COL24A1: variants seen among roughly 807,000 people sequenced by gnomAD.
COL24A1 encodes collagen alpha-1(XXIV) chain.
Under a neutral mutation model 253.9 loss-of-function variants are expected in COL24A1, and 224 were observed. The observed-to-expected ratio is 0.88, with a 90% confidence interval of 0.79 to 0.99. COL24A1 has a LOEUF of 0.99. COL24A1 is among the 50% of genes least tolerant of loss of function. The probability of loss-of-function intolerance (pLI) is 0.00; values close to 1 mark genes in which losing one functional copy is unlikely to be tolerated. For synonymous variants in COL24A1, 685 were observed against 673.7 expected, an observed-to-expected ratio of 1.02 and a Z score of -0.26; for missense variants, 2,131 against 2,068.5, an observed-to-expected ratio of 1.03 and a Z score of -0.59.
At chr1:85,924,477 C>G (rs1686944484) in intron 24 of COL24A1, among the ~76,000 whole-genome samples, 1 of 152,158 alleles carries the variant, frequency 6.6e-6, no homozygotes, top group Non-Finnish European at 1.5e-5. Context: ...CCACCATTAC[C>G]AAGTTGGCTT....
At chr1:85,836,372 G>A (rs773448104) in intron 43 of COL24A1, among the ~76,000 whole-genome samples, 1 of 152,092 alleles carries the variant, frequency 6.6e-6, no homozygotes, top group Admixed American at 6.5e-5. Context: ...AGTTTAAAAT[G>A]GTTAAAATGG....
chr1:85,731,727 C>T (rs982527144), intron 59 of COL24A1, among the ~76,000 whole-genome samples: 1 of 152,038 alleles, frequency 6.6e-6, no homozygotes, highest in Non-Finnish European at 1.5e-5. Flanking sequence ...AAAACATAAA[C>T]AAATAACCAC....
chr1:85,869,948 A>C (rs1026562532), intron 35 of COL24A1, among the ~76,000 whole-genome samples: 1 of 152,200 alleles, frequency 6.6e-6, no homozygotes, highest in Non-Finnish European at 1.5e-5. Context: ...GTATTCAGGA[A>C]ACCCATCTCA....
At chr1:85,774,783 T>C (rs1243107774) in intron 53 of COL24A1, among the ~76,000 whole-genome samples, 1 of 152,204 alleles carries the variant, frequency 6.6e-6, no homozygotes, top group African/African-American at 2.4e-5. Context: ...TTAGTCTTGC[T>C]AGCGGTCTAT....
chr1:85,834,395 TA>T (rs1675763861), intron 43 of COL24A1, among the ~76,000 whole-genome samples: 1 of 152,074 alleles, frequency 6.6e-6, no homozygotes, highest in Non-Finnish European at 1.5e-5. Context: ...TGGCTGGTGA[TA>T]CTATTCACTG....
At chr1:86,058,723 G>A (rs1041979608) in intron 9 of COL24A1, among the ~76,000 whole-genome samples, 1 of 150,412 alleles carries the variant, frequency 6.6e-6, no homozygotes, top group African/African-American at 2.4e-5. Context: ...TTTGGTAGTG[G>A]TATACTGTTT....
rs181506367 is a variant in COL24A1 at position 86,131,417 on chromosome 1, G to A, written c.122-5203C>T. Among the ~76,000 whole-genome samples, 43 of 151,844 alleles carry A rather than the reference G, an allele frequency of 2.8e-4. No individual in the cohort carries two copies. The East Asian group carries it at 7.4e-3, about 26-fold the overall frequency. On this transcript the variant is annotated intron_variant, in intron 2 of 59. Coordinates refer to ENST00000370571, the MANE Select transcript of COL24A1 (RefSeq NM_152890.7). ...TAGGGTACATGTGCACAATGTGCAG[G>A]TTTGTTACATATGTACACATGTGCC...
At chr1:85,919,599 G>A (rs1686245064) in intron 24 of COL24A1, among the ~76,000 whole-genome samples, 1 of 152,186 alleles carries the variant, frequency 6.6e-6, no homozygotes, top group Non-Finnish European at 1.5e-5. Context: ...CGGGAGGCTT[G>A]AGCCCAGGAG....
chr1:85,990,603 G>C (rs1287069341), intron 19 of COL24A1, among the ~76,000 whole-genome samples: 1 of 152,180 alleles, frequency 6.6e-6, no homozygotes, highest in Non-Finnish European at 1.5e-5. Flanking sequence ...CACAGCCCAG[G>C]TGTTAGGGGC....
chr1:85,865,644 T>G (rs1266791424), intron 37 of COL24A1, among the ~76,000 whole-genome samples: 3 of 152,330 alleles, frequency 2.0e-5, no homozygotes, highest in African/African-American at 7.2e-5. Flanking sequence ...ACTTTCCCTT[T>G]TCTTAATTCT....
chr1:85,819,538 T>C (rs899883333), intron 45 of COL24A1, among the ~76,000 whole-genome samples: 3 of 152,098 alleles, frequency 2.0e-5, no homozygotes, highest in South Asian at 2.1e-4. Context: ...GAAAAAAATA[T>C]GTTTTCAGTT....
chr1:86,149,060 A>G (rs1483451112), intron 1 of COL24A1, among the ~76,000 whole-genome samples: 1 of 152,124 alleles, frequency 6.6e-6, no homozygotes, highest in East Asian at 1.9e-4. Context: ...ACACCCGGCT[A>G]ATTTTTGTAT....
chr1:86,115,510 T>A, intron 3 of COL24A1, 132 bp from the exon 4 acceptor site: 2 of 785,726 alleles, frequency 2.5e-6, no homozygotes, highest in Non-Finnish European at 2.1e-6. Context: ...GATTTTTAAG[T>A]AACACGAACC....
intron 12 of COL24A1, among the ~76,000 whole-genome samples, chr1:86,040,177 A>C (rs566108): frequency 0.12 from 18,818 of 152,112 alleles, 1,281 homozygotes; most frequent in Middle Eastern, 0.14. Context: ...CTCAATAATA[A>C]GAGTCCCACC....
intron 7 of COL24A1, among the ~76,000 whole-genome samples, chr1:86,075,421 A>G (rs531874396): frequency 6.4e-4 from 97 of 152,280 alleles, no homozygotes; most frequent in African/African-American, 2.3e-3. Flanking sequence ...ACTAAAAAAA[A>G]GCCCAGGACC....
Position 86,125,380 on chromosome 1 carries a change from G to A in COL24A1, c.956C>T (p.Ser319Leu). The A allele has an allele frequency of 6.2e-7, 1 of 1,613,558 alleles. No individual in the cohort carries two copies. Among genetic ancestry groups the A allele is most frequent in the Non-Finnish European group, 8.5e-7 (1 of 1,179,798 alleles). ...GAGATCCACAGCAGAGACATTTCCT[G>A]ACTGAAGAGAAGATAACTGAGATCT... ...ISRSQLSSLQSGNVSAVDLTN... is the reference protein window; with the variant it reads ...ISRSQLSSLQLGNVSAVDLTN... The change falls in exon 3 of 60, where the codon TCA becomes TTA. Residue 319 changes from serine to leucine, a missense_variant. Ser to Leu is a moderately radical substitution (Grantham distance 145). Transcript: ENST00000370571.
chr1:85,987,525 A>AT, intron 20 of COL24A1, 76 bp downstream of exon 20: 1 of 1,246,734 alleles, frequency 8.0e-7, no homozygotes, highest in Non-Finnish European at 1.2e-6. Flanking sequence ...TTCCTAAAAT[A>AT]TTTTTCCCAT....
At chr1:86,011,390 T>A (rs1053537743) in intron 19 of COL24A1, among the ~76,000 whole-genome samples, 2 of 152,206 alleles carry the variant, frequency 1.3e-5, no homozygotes, top group African/African-American at 4.8e-5. Flanking sequence ...ATTTTATGAC[T>A]GTAAAATATC....
Position 85,889,515 on chromosome 1 carries a change from T to C in COL24A1, c.2976+45A>G, listed in dbSNP as rs561885447. ...GAGCAATAATGGAAATGTAAATGTA[T>C]TTTATGAGAAAGACACAATTAGAAA... On this transcript the variant is annotated intron_variant, in intron 32 of 59. Coordinates refer to ENST00000370571, the MANE Select transcript of COL24A1 (RefSeq NM_152890.7). The C allele has an allele frequency of 1.7e-5, 26 of 1,517,652 alleles. No individual in the cohort carries two copies. In the African/African-American group the frequency reaches 2.9e-4, roughly 17 times the overall value. The allele number at this position is 1,517,652 out of a possible 1,614,324, so 94.0% of individuals were successfully genotyped here.
Sources: gnomAD v4.1 joint callset for allele counts (sites outside exome capture counted in the v4.1 genomes callset) on GRCh38, gnomAD v4.1.1 for gene constraint, MANE v1.5 for transcripts, NCBI Gene and HGNC (gene_info 2026-07-23, HGNC 2026-07-21) for gene names.